Variants in CPQ observed in about 807,000 individuals in gnomAD.
CPQ encodes the protein carboxypeptidase Q, also known as Ser-Met dipeptidase.
In CPQ, 37 loss-of-function variants were observed where a neutral mutation model predicts 45.7. The ratio of observed to expected loss-of-function variants is 0.81; its 90% confidence interval spans 0.62 to 1.07. The LOEUF is 1.07. Among genes scored for constraint, CPQ ranks in the 50% least tolerant of loss-of-function variants. CPQ has a pLI of 0.00. For missense variants in CPQ, 537 were observed against 572.9 expected (o/e 0.94, Z 0.64); for synonymous variants, 186 against 205.8 (o/e 0.90, Z 0.82).
At chr8:96,883,831 A>T (rs1394205588) in intron 4 of CPQ, among the ~76,000 whole-genome samples, 2 of 152,232 alleles carry the variant, frequency 1.3e-5, no homozygotes, top group Non-Finnish European at 2.9e-5. Context: ...AAATGCCCTG[A>T]GAGCAGGCAC....
At chr8:96,697,097 C>G (rs1809394900) in intron 1 of CPQ, among the ~76,000 whole-genome samples, 1 of 152,118 alleles carries the variant, frequency 6.6e-6, no homozygotes, top group African/African-American at 2.4e-5. Context: ...GGCCAATCTC[C>G]CTAATGAACA....
chr8:97,038,596 T>C (rs1423895370), intron 6 of CPQ, among the ~76,000 whole-genome samples: 1 of 151,976 alleles, frequency 6.6e-6, no homozygotes, highest in East Asian at 1.9e-4. Flanking sequence ...AGTTACAGAG[T>C]CAGCAAACCA....
chr8:96,647,895 A>G (rs1246438238), intron 1 of CPQ, among the ~76,000 whole-genome samples: 1 of 152,200 alleles, frequency 6.6e-6, no homozygotes, highest in East Asian at 1.9e-4. Flanking sequence ...AATGGCACTT[A>G]AGGGCTTTGA....
At chr8:97,090,718 A>G (rs745337107) in intron 7 of CPQ, among the ~76,000 whole-genome samples, 1 of 152,192 alleles carries the variant, frequency 6.6e-6, no homozygotes, top group Non-Finnish European at 1.5e-5. Flanking sequence ...ATAATGAGTC[A>G]GTGTGTGAGT....
intron 1 of CPQ, among the ~76,000 whole-genome samples, chr8:96,707,592 G>T (rs1224922409): frequency 6.6e-6 from 1 of 151,828 alleles, no homozygotes; most frequent in Non-Finnish European, 1.5e-5. Flanking sequence ...CTAGATCATT[G>T]TATTAACTTT....
chr8:96,672,106 C>T (rs1486537262), intron 1 of CPQ, among the ~76,000 whole-genome samples: 2 of 151,986 alleles, frequency 1.3e-5, no homozygotes, highest in Non-Finnish European at 2.9e-5. Flanking sequence ...ACTATGAAAA[C>T]AAACAGGAGG....
intron 1 of CPQ, among the ~76,000 whole-genome samples, chr8:96,738,769 G>C (rs1173786549): frequency 6.6e-6 from 1 of 152,124 alleles, no homozygotes; most frequent in Non-Finnish European, 1.5e-5. Flanking sequence ...TTTCATCCGT[G>C]TCCCTACAAA....
intron 1 of CPQ, among the ~76,000 whole-genome samples, chr8:96,735,889 G>T (rs937966264): frequency 1.3e-5 from 2 of 151,928 alleles, no homozygotes; most frequent in Admixed American, 6.6e-5. Context: ...TACTGCCTTC[G>T]TCCATTGGGA....
intron 6 of CPQ, among the ~76,000 whole-genome samples, chr8:97,047,992 A>G (rs1431285546): frequency 2.0e-5 from 3 of 152,170 alleles, no homozygotes; most frequent in South Asian, 2.1e-4. Flanking sequence ...TAGACACTCT[A>G]TATGTGAAGA....
intron 2 of CPQ, 33 bp from the exon 3 acceptor site, chr8:96,834,940 T>G (rs1429828984): frequency 2.5e-6 from 4 of 1,593,898 alleles, no homozygotes; most frequent in South Asian, 1.1e-5. Context: ...GATGGGAAAC[T>G]GTAAGTTAAT....
intron 1 of CPQ, among the ~76,000 whole-genome samples, chr8:96,737,910 CTTT>C (rs1810012529): frequency 6.6e-6 from 1 of 151,904 alleles, no homozygotes; most frequent in African/African-American, 2.4e-5. Flanking sequence ...ATTTGTAGTT[CTTT>C]TGTTATCTTT....
chr8:96,674,197 A>T (rs957227291), intron 1 of CPQ, among the ~76,000 whole-genome samples: 1 of 152,194 alleles, frequency 6.6e-6, no homozygotes, highest in African/African-American at 2.4e-5. Flanking sequence ...ACCAAGTTGG[A>T]CACAAAGTTC....
chr8:96,800,568 T>C (rs1477517520), intron 2 of CPQ, among the ~76,000 whole-genome samples: 1 of 152,166 alleles, frequency 6.6e-6, no homozygotes, highest in African/African-American at 2.4e-5. Flanking sequence ...GCAAGATCTA[T>C]GTGGGAGAGT....
intron 3 of CPQ, among the ~76,000 whole-genome samples, chr8:96,839,783 G>A (rs1463277191): frequency 6.6e-6 from 1 of 152,154 alleles, no homozygotes; most frequent in Non-Finnish European, 1.5e-5. Context: ...CTAAGTGAAT[G>A]ATTGGGGGAA....
chr8:97,105,350 A>G (rs951249091), intron 7 of CPQ, among the ~76,000 whole-genome samples: 4 of 152,220 alleles, frequency 2.6e-5, no homozygotes, highest in Non-Finnish European at 5.9e-5. Context: ...TTCACTTAGC[A>G]TAATGTCTTC....
intron 2 of CPQ, among the ~76,000 whole-genome samples, chr8:96,813,338 G>A (rs1325799614): frequency 6.6e-6 from 1 of 152,090 alleles, no homozygotes; most frequent in African/African-American, 2.4e-5. Context: ...TTTGGGGTTG[G>A]AGGGTGAGGC....
chr8:96,717,031 ATATATATATATAT>A (rs1809685929), intron 1 of CPQ, among the ~76,000 whole-genome samples: 2 of 10,764 alleles, frequency 1.9e-4, no homozygotes, highest in African/African-American at 5.9e-4. Flanking sequence ...ATAAATATAT[ATATATATATATAT>A]ATATATATAT....
intron 7 of CPQ, among the ~76,000 whole-genome samples, chr8:97,130,872 G>C (rs1811942563): frequency 6.6e-6 from 1 of 151,302 alleles, no homozygotes; most frequent in South Asian, 2.1e-4. Flanking sequence ...ATGATTTATA[G>C]TAGGTTATAT....
intron 2 of CPQ, among the ~76,000 whole-genome samples, chr8:96,820,663 A>G (rs1307969307): frequency 6.6e-6 from 1 of 152,066 alleles, no homozygotes; most frequent in Non-Finnish European, 1.5e-5. Context: ...TTATGGCTGA[A>G]TGATATTTCA....
Sources: gnomAD v4.1 joint callset for allele counts (sites outside exome capture counted in the v4.1 genomes callset) on GRCh38, gnomAD v4.1.1 for gene constraint, MANE v1.5 for transcripts, NCBI Gene and HGNC (gene_info 2026-07-23, HGNC 2026-07-21) for gene names.